Variants in PRELID2 observed in about 807,000 individuals in gnomAD.
PRELID2 encodes PRELI domain-containing protein 2.
Under a neutral mutation model 28.4 loss-of-function variants are expected in PRELID2, and 25 were observed. The ratio of observed to expected loss-of-function variants is 0.88; its 90% CI spans 0.64 to 1.23. PRELID2 has a LOEUF of 1.23. Among genes scored for constraint, PRELID2 ranks in the 50% most tolerant of loss-of-function variants. The pLI, the probability that PRELID2 is intolerant of heterozygous loss-of-function variation, is 0.00. For synonymous variants in PRELID2, 76 were observed against 71.6 expected (o/e 1.06, Z -0.31); for missense variants, 201 against 214.4 (o/e 0.94, Z 0.39).
At chr5:145,516,135 GT>G (rs1191156358) in intron 1 of PRELID2, among the ~76,000 whole-genome samples, 4 of 152,156 alleles carry the variant, frequency 2.6e-5, no homozygotes, top group Admixed American at 1.3e-4. Flanking sequence ...TGGAAGTTCT[GT>G]CCAGGGCAAT....
At chr5:145,428,567 G>A in the PRELID2 span, among the ~76,000 whole-genome samples, 1 of 152,070 alleles carries the variant, frequency 6.6e-6, no homozygotes, top group African/African-American at 2.4e-5. Context: ...CAGGGAGGAG[G>A]AGATATACCT....
the PRELID2 span, among the ~76,000 whole-genome samples, chr5:145,300,648 A>G: frequency 0.018 from 2,685 of 151,782 alleles, 86 homozygotes; most frequent in African/African-American, 0.061. Context: ...TAAGACTACC[A>G]AGATTACAAG....
the PRELID2 span, among the ~76,000 whole-genome samples, chr5:145,359,574 T>G: frequency 0.041 from 6,228 of 152,286 alleles, 445 homozygotes; most frequent in African/African-American, 0.14. Context: ...CAGTCTCAGA[T>G]AAGTAAGCAT....
At chr5:145,318,775 A>C in the PRELID2 span, among the ~76,000 whole-genome samples, 1 of 152,214 alleles carries the variant, frequency 6.6e-6, no homozygotes, top group Non-Finnish European at 1.5e-5. Context: ...TACCATCCAC[A>C]GAAGGCTTAA....
At chr5:145,512,807 T>G (rs1291502097) in intron 1 of PRELID2, among the ~76,000 whole-genome samples, 2 of 152,200 alleles carry the variant, frequency 1.3e-5, no homozygotes, top group South Asian at 4.1e-4. Context: ...CAAACTTTGC[T>G]GTTCTGCAGC....
chr5:145,297,306 T>C, the PRELID2 span, among the ~76,000 whole-genome samples: 1 of 152,110 alleles, frequency 6.6e-6, no homozygotes, highest in African/African-American at 2.4e-5. Context: ...GGTTTTCTTC[T>C]AGGGTTTTTA....
intron 5 of PRELID2, among the ~76,000 whole-genome samples, chr5:145,765,249 A>G (rs1757675916): frequency 6.6e-6 from 1 of 152,256 alleles, no homozygotes; most frequent in African/African-American, 2.4e-5. Context: ...CATTTTAAAC[A>G]TAAGAAAACA....
intron 1 of PRELID2, among the ~76,000 whole-genome samples, chr5:145,589,296 C>T (rs527842947): frequency 3.3e-5 from 5 of 152,276 alleles, no homozygotes; most frequent in African/African-American, 7.2e-5. Context: ...TGATTACTCA[C>T]GTTAGAAAGG....
At chr5:145,303,090 G>T in the PRELID2 span, among the ~76,000 whole-genome samples, 1 of 152,156 alleles carries the variant, frequency 6.6e-6, no homozygotes, top group Non-Finnish European at 1.5e-5. Context: ...AACTAGAAGA[G>T]TTACTTTACT....
At chr5:145,739,945 A>T (rs1217265547) in intron 1 of PRELID2, among the ~76,000 whole-genome samples, 2 of 112,840 alleles carry the variant, frequency 1.8e-5, no homozygotes, top group Non-Finnish European at 3.7e-5. Flanking sequence ...AGAAAAAAAT[A>T]GGACAAATAG....
the PRELID2 span, among the ~76,000 whole-genome samples, chr5:145,234,722 T>C: frequency 6.6e-6 from 1 of 152,086 alleles, no homozygotes. Context: ...TCCAAACCAG[T>C]AGACTAAACA....
At chr5:145,235,516 G>T in the PRELID2 span, among the ~76,000 whole-genome samples, 2 of 152,122 alleles carry the variant, frequency 1.3e-5, no homozygotes, top group Non-Finnish European at 1.5e-5. Flanking sequence ...ACAAGAATTG[G>T]CACTCAAATC....
At chr5:145,495,545 C>A (rs980380421) in intron 1 of PRELID2, among the ~76,000 whole-genome samples, 2 of 152,148 alleles carry the variant, frequency 1.3e-5, no homozygotes, top group Non-Finnish European at 2.9e-5. Flanking sequence ...CATGAATACA[C>A]CCAGCCTGAC....
the PRELID2 span, among the ~76,000 whole-genome samples, chr5:145,287,182 T>G: frequency 6.6e-6 from 1 of 152,210 alleles, no homozygotes; most frequent in Non-Finnish European, 1.5e-5. Context: ...CTATGCAGCT[T>G]ACATAGTACC....
chr5:145,607,898 AG>A, intron 1 of PRELID2, among the ~76,000 whole-genome samples: 1 of 152,180 alleles, frequency 6.6e-6, no homozygotes, highest in East Asian at 1.9e-4. Context: ...TAGGTGTCTA[AG>A]AACTTGCCTT....
chr5:145,770,271 T>A (rs2149780262), intron 5 of PRELID2, among the ~76,000 whole-genome samples: 1 of 152,210 alleles, frequency 6.6e-6, no homozygotes, highest in South Asian at 2.1e-4. Flanking sequence ...GGTGGCACTT[T>A]GGGAGAGGCT....
At chr5:145,560,259 T>G (rs769257600) in intron 1 of PRELID2, among the ~76,000 whole-genome samples, 1 of 152,218 alleles carries the variant, frequency 6.6e-6, no homozygotes. Context: ...TCTGTACTAA[T>G]AAGTGCTGTT....
the PRELID2 span, among the ~76,000 whole-genome samples, chr5:145,461,797 C>T: frequency 6.6e-6 from 1 of 152,150 alleles, no homozygotes; most frequent in Admixed American, 6.6e-5. Context: ...GGAATGGATG[C>T]AAATGATATT....
intron 1 of PRELID2, among the ~76,000 whole-genome samples, chr5:145,623,700 C>T (rs1242666468): frequency 6.6e-6 from 1 of 152,086 alleles, no homozygotes; most frequent in African/African-American, 2.4e-5. Context: ...TCGTGGAAAG[C>T]AAAGGTTATT....
Sources: gnomAD v4.1 joint callset for allele counts (sites outside exome capture counted in the v4.1 genomes callset) on GRCh38, gnomAD v4.1.1 for gene constraint, MANE v1.5 for transcripts, NCBI Gene and HGNC (gene_info 2026-07-23, HGNC 2026-07-21) for gene names.